The following DLG2 variants were observed in gnomAD, a reference collection of about 807,000 sequenced individuals.
The protein encoded by DLG2 is disks large homolog 2.
DLG2 carries 45 observed loss-of-function variants against 132.5 expected under a neutral mutation model. The ratio of observed to expected loss-of-function variants is 0.34; its 90% CI spans 0.27 to 0.44. The LOEUF is 0.44. Among genes scored for constraint, DLG2 ranks in the 20% least tolerant of loss-of-function variants. The pLI, the probability that DLG2 is intolerant of heterozygous loss-of-function variation, is 1.00. For synonymous variants in DLG2, 424 were observed against 419.6 expected (o/e 1.01, Z -0.13); for missense variants, 1,045 against 1,196.9 (o/e 0.87, Z 1.87).
At position 84,506,079 on chromosome 11, in the gene DLG2, C is replaced by CTTTTTTTTTTTTT. The variant is rs779039240; in HGVS notation, c.519+28478_519+28490dup. On this transcript the variant is annotated intron_variant, in intron 7 of 27. Transcript: ENST00000376104. The stretch of plus-strand genomic sequence containing the variant: ...CTAATGTTATGACAGAGGCTCAGTT[C>CTTTTTTTTTTTTT]TTTTTTTTTTTTTTGAGACGGAGTC... 1.7e-4 allele frequency among the ~76,000 whole-genome samples: 18 copies of CTTTTTTTTTTTTT among 107,016 alleles called. 1 individual carries two copies. The highest frequency in any genetic ancestry group is 3.5e-4 in the African/African-American group (7 of 19,726). 70.2% of individuals were successfully genotyped at this position (107,016 alleles called of 152,430 possible). A position where few individuals can be genotyped will look rare whatever the true frequency, so the allele number is the denominator to read the frequency against.
chr11:84,568,875 G>A (rs1020927831), intron 6 of DLG2, among the ~76,000 whole-genome samples: 2 of 152,160 alleles, frequency 1.3e-5, no homozygotes, highest in Admixed American at 1.3e-4. Context: ...CCACCTGACT[G>A]GGAGGCAATC....
intron 19 of DLG2, among the ~76,000 whole-genome samples, chr11:83,580,637 G>A (rs1254982944): frequency 2.6e-5 from 4 of 152,092 alleles, no homozygotes; most frequent in African/African-American, 9.7e-5. Context: ...ACATTACATT[G>A]GGTGATATAT....
intron 6 of DLG2, among the ~76,000 whole-genome samples, chr11:84,835,273 C>T (rs2079592224): frequency 6.6e-6 from 1 of 151,496 alleles, no homozygotes. Context: ...ATGCAATAAA[C>T]ATTTATAGGA....
chr11:84,480,900 G>A (rs1189118583), intron 7 of DLG2, among the ~76,000 whole-genome samples: 1 of 151,670 alleles, frequency 6.6e-6, no homozygotes, highest in East Asian at 1.9e-4. Context: ...CACTATGCCT[G>A]GTTGATTTTT....
chr11:84,484,768 G>C (rs1487658567), intron 7 of DLG2, among the ~76,000 whole-genome samples: 1 of 152,096 alleles, frequency 6.6e-6, no homozygotes, highest in Non-Finnish European at 1.5e-5. Flanking sequence ...TCTCCCATTT[G>C]AATAATCTTT....
chr11:83,630,524 C>A (rs1328133339), intron 19 of DLG2, among the ~76,000 whole-genome samples: 1 of 152,198 alleles, frequency 6.6e-6, no homozygotes, highest in South Asian at 2.1e-4. Context: ...CACATTCCTA[C>A]AGCACAGTTT....
At chr11:84,565,961 T>TTG (rs34277296) in intron 6 of DLG2, among the ~76,000 whole-genome samples, 6 of 59,940 alleles carry the variant, frequency 1.0e-4, no homozygotes, top group Non-Finnish European at 2.2e-4. Flanking sequence ...TATGATGAAG[T>TTG]TTTTTTTTTT....
At chr11:83,554,149 G>T (rs2096463947) in intron 19 of DLG2, among the ~76,000 whole-genome samples, 1 of 151,994 alleles carries the variant, frequency 6.6e-6, no homozygotes, top group African/African-American at 2.4e-5. Context: ...CTCCCAAAGT[G>T]CTGGGATTAC....
intron 17 of DLG2, among the ~76,000 whole-genome samples, chr11:83,828,808 T>A (rs533909287): frequency 1.3e-5 from 2 of 152,240 alleles, no homozygotes; most frequent in South Asian, 2.1e-4. Flanking sequence ...ATGTATACTA[T>A]GACATGCTGT....
chr11:83,706,812 A>G (rs2084122616), intron 18 of DLG2, among the ~76,000 whole-genome samples: 1 of 152,224 alleles, frequency 6.6e-6, no homozygotes, highest in South Asian at 2.1e-4. Context: ...AGCTAAGGCA[A>G]GGTGGTGTCA....
chr11:85,275,905 C>T (rs1352929896), intron 4 of DLG2, among the ~76,000 whole-genome samples: 1 of 150,838 alleles, frequency 6.6e-6, no homozygotes, highest in Non-Finnish European at 1.5e-5. Context: ...ACGAAGCTCC[C>T]CAAGGGAAAA....
At chr11:83,615,633 G>C (rs2060684969) in intron 19 of DLG2, among the ~76,000 whole-genome samples, 1 of 152,198 alleles carries the variant, frequency 6.6e-6, no homozygotes, top group Non-Finnish European at 1.5e-5. Flanking sequence ...CTTAAAAGCA[G>C]AGTATCTTTT....
intron 3 of DLG2, among the ~76,000 whole-genome samples, chr11:85,570,385 T>C (rs986816349): frequency 5.3e-5 from 8 of 152,220 alleles, no homozygotes; most frequent in African/African-American, 1.9e-4. Flanking sequence ...GATTGTTCTA[T>C]AGATGTCTGT....
intron 18 of DLG2, among the ~76,000 whole-genome samples, chr11:83,679,847 G>A (rs1329918518): frequency 1.3e-5 from 2 of 152,092 alleles, no homozygotes; most frequent in African/African-American, 4.8e-5. Flanking sequence ...ATAATACTTG[G>A]TTGGGGACAC....
chr11:84,028,926 A>T (rs895506292), intron 11 of DLG2, among the ~76,000 whole-genome samples: 1 of 152,128 alleles, frequency 6.6e-6, no homozygotes, highest in African/African-American at 2.4e-5. Flanking sequence ...AAAAATTTTT[A>T]AAAATTTTCT....
chr11:84,673,029 C>T (rs1028647473), intron 6 of DLG2, among the ~76,000 whole-genome samples: 1 of 151,996 alleles, frequency 6.6e-6, no homozygotes, highest in African/African-American at 2.4e-5. Flanking sequence ...AACGAGAACT[C>T]ACTCACTGTC....
At chr11:84,204,150 T>G (rs1487700184) in intron 8 of DLG2, among the ~76,000 whole-genome samples, 1 of 151,754 alleles carries the variant, frequency 6.6e-6, no homozygotes, top group Non-Finnish European at 1.5e-5. Flanking sequence ...AGAGACGGGG[T>G]TTCTCCATGT....
chr11:85,370,080 C>T (rs1041787376), intron 3 of DLG2, among the ~76,000 whole-genome samples: 8 of 152,188 alleles, frequency 5.3e-5, no homozygotes, highest in Admixed American at 2.6e-4. Context: ...AAGTATTTGA[C>T]TTGCTGGCTT....
At chr11:84,628,327 A>C (rs2099626222) in intron 6 of DLG2, among the ~76,000 whole-genome samples, 1 of 152,110 alleles carries the variant, frequency 6.6e-6, no homozygotes, top group Non-Finnish European at 1.5e-5. Flanking sequence ...ACATTTGTTG[A>C]GCACCTACTA....
Sources: gnomAD v4.1 joint callset for allele counts (sites outside exome capture counted in the v4.1 genomes callset) on GRCh38, gnomAD v4.1.1 for gene constraint, MANE v1.5 for transcripts, NCBI Gene and HGNC (gene_info 2026-07-23, HGNC 2026-07-21) for gene names.